C2CD5: variants seen among roughly 807,000 people sequenced by gnomAD.
The protein encoded by C2CD5 is C2 domain-containing protein 5.
In C2CD5, 109 loss-of-function variants were observed where a neutral mutation model predicts 130.3. That is an observed-to-expected ratio of 0.84 (90% CI 0.72 to 0.98). The LOEUF (loss-of-function observed/expected upper bound fraction) is 0.98, where lower values mean the gene tolerates loss of function less well. Ranked by LOEUF, C2CD5 falls within the 50% of genes least tolerant of loss-of-function variation. C2CD5 has a pLI of 0.00. For synonymous variants in C2CD5, 454 were observed against 429.2 expected (o/e 1.06, Z -0.71); for missense variants, 996 against 1,261.8 (o/e 0.79, Z 3.19).
chr12:22,539,281 T>C lies in C2CD5; in HGVS notation c.91-3937A>G, dbSNP rs545819164. 3.3e-5 allele frequency among the ~76,000 whole-genome samples: 5 copies of C among 152,330 alleles called. No individual in the cohort carries two copies. The South Asian group carries it at 1.0e-3, about 32-fold the overall frequency. On this transcript the variant is annotated intron_variant, in intron 2 of 26. Transcript: ENST00000446597. ...CTCAGTGACATCTGACAATTGAGCT[T>C]CCTTCCTCTTTCTAGAAACTTCCTC...
At chr12:22,527,357 G>A (rs1591995527) in intron 4 of C2CD5, among the ~76,000 whole-genome samples, 1 of 137,518 alleles carries the variant, frequency 7.3e-6, no homozygotes, top group Admixed American at 7.3e-5. Context: ...TTGAGCTAGA[G>A]TTTCACTCTT....
Position 22,448,796 on chromosome 12 carries a change from T to A in C2CD5, c.*964A>T, listed in dbSNP as rs1425573403. 1 of 152,590 alleles carries A rather than the reference T, an allele frequency of 6.6e-6. No individual in the cohort carries two copies. Among genetic ancestry groups the A allele is most frequent in the Non-Finnish European group, 1.5e-5 (1 of 68,020 alleles). 9.5% of individuals were successfully genotyped at this position (152,590 alleles called of 1,614,324 possible). On this transcript the variant is annotated 3_prime_UTR_variant, in exon 27 of 27. Transcript: ENST00000446597. ...GGGCATTTGGCGTCGACAGAAAAAG[T>A]CTTTCTATGTATACATTCAACATTT...
Position 22,518,034 on chromosome 12 carries a change from G to A in C2CD5, c.904C>T (p.Arg302Ter), listed in dbSNP as rs146325125. The A allele has an allele frequency of 6.2e-6, 10 of 1,613,728 alleles. No individual in the cohort carries two copies. The African/African-American group carries it at 9.3e-5, about 15-fold the overall frequency. The change falls in exon 8 of 27, where the codon CGA becomes TGA. Residue 302 changes from arginine to a stop codon, truncating the protein, a stop_gained. Coordinates refer to ENST00000446597, the MANE Select transcript of C2CD5 (RefSeq NM_001286176.2). LOFTEE classifies it high-confidence loss of function. ...YSFSPSKSYSRQSSSSDTDLS... is the reference protein window; with the variant it reads ...YSFSPSKSYS ...TCTGTGTCAGAAGAAGAGGACTGTCGACTGTAGGACTTGGAAGGTGAAAAG... is the reference window on the plus strand; with the variant it reads ...TCTGTGTCAGAAGAAGAGGACTGTCAACTGTAGGACTTGGAAGGTGAAAAG...
chr12:22,453,381 A>C (rs1190990734), intron 26 of C2CD5, among the ~76,000 whole-genome samples: 1 of 152,200 alleles, frequency 6.6e-6, no homozygotes, highest in East Asian at 1.9e-4. Flanking sequence ...ATTTTTAAAA[A>C]ATTTTAACAA....
intron 11 of C2CD5, 41 bp from the exon 12 acceptor site, chr12:22,490,259 C>T: frequency 7.1e-7 from 1 of 1,401,660 alleles, no homozygotes; most frequent in Non-Finnish European, 1.0e-6. Context: ...ATTTTTCAGA[C>T]CGTATAACTT....
intron 3 of C2CD5, chr12:22,534,684 T>C (rs780616132): frequency 6.6e-6 from 1 of 152,462 alleles, no homozygotes; most frequent in African/African-American, 2.4e-5. Flanking sequence ...AGGACAAGTA[T>C]TATATGACTC....
rs375981702 is a variant in C2CD5 at position 22,526,755 on chromosome 12, A to T, written c.349+966T>A. ...GGGTTTTCAAAACATGCTCTGATAA[A>T]TAAGAATGACCCAGATCTTATCTCT... On this transcript the variant is annotated intron_variant, in intron 4 of 26. Coordinates refer to ENST00000446597, the MANE Select transcript of C2CD5 (RefSeq NM_001286176.2). 1.2e-4 allele frequency among the ~76,000 whole-genome samples: 19 copies of T among 152,346 alleles called. 1 individual carries two copies. The highest frequency in any genetic ancestry group is 4.3e-4 in the African/African-American group (18 of 41,578).
At position 22,544,370 on chromosome 12, in the gene C2CD5, G is replaced by A. The variant is rs1952745160; in HGVS notation, c.-80C>T. On this transcript the variant is annotated 5_prime_UTR_variant, in exon 1 of 27. Transcript: ENST00000446597. ...CGCGCGGGTGCTGAGACCTCATTCC[G>A]GAGAGGCGGCGGGAGGAAGGGCTTT... 2 of 444,660 alleles carry A rather than the reference G, an allele frequency of 4.5e-6. No homozygotes were observed. The highest frequency in any genetic ancestry group is 4.1e-5 in the East Asian group (1 of 24,600). 27.5% of individuals were successfully genotyped at this position (444,660 alleles called of 1,614,324 possible).
Position 22,484,752 on chromosome 12 carries a change from T to C in C2CD5, c.1495A>G (p.Ile499Val), listed in dbSNP as rs1007799490. 4.4e-6 allele frequency: 7 copies of C among 1,607,504 alleles called. No homozygotes were observed. Among genetic ancestry groups the C allele is most frequent in the Non-Finnish European group, 5.9e-6 (7 of 1,177,344 alleles). Reference protein sequence around the residue: ...QKVPDVLFTTIDLPTDATVIG... With the variant: ...QKVPDVLFTTVDLPTDATVIG... ...ACTGTTGCATCTGTTGGGAGGTCTA[T>C]AGTTGTAAACAGAACATCAGGAACT... Residue 499 changes from isoleucine (I) to valine (V), a missense_variant, in exon 13 of 27, where the codon ATA (isoleucine) becomes GTA (valine). By Grantham distance (29) the Ile-to-Val change is conservative. Transcript: ENST00000446597.
chr12:22,466,489 T>C (rs1405795651), intron 22 of C2CD5, among the ~76,000 whole-genome samples: 8 of 152,174 alleles, frequency 5.3e-5, no homozygotes, highest in Non-Finnish European at 1.0e-4. Context: ...TCCGCTAAAT[T>C]GCTATTTTTG....
intron 9 of C2CD5, among the ~76,000 whole-genome samples, chr12:22,508,005 G>T (rs936272677): frequency 4.1e-4 from 63 of 152,040 alleles, no homozygotes; most frequent in Non-Finnish European, 5.6e-4. Flanking sequence ...ATAAAAGCTG[G>T]TAAAGAGATA....
chr12:22,498,951 A>T (rs1403469511), intron 10 of C2CD5, among the ~76,000 whole-genome samples: 1 of 152,208 alleles, frequency 6.6e-6, no homozygotes, highest in Non-Finnish European at 1.5e-5. Context: ...CAATCTCTAC[A>T]GAGGAAAAAA....
intron 14 of C2CD5, among the ~76,000 whole-genome samples, chr12:22,481,921 C>A (rs895671007): frequency 2.0e-5 from 3 of 151,230 alleles, no homozygotes; most frequent in Non-Finnish European, 4.4e-5. Flanking sequence ...TGTGAGCCAA[C>A]GCACCTGGCC....
At chr12:22,501,844 T>C (rs947952380) in intron 10 of C2CD5, among the ~76,000 whole-genome samples, 19 of 152,124 alleles carry the variant, frequency 1.2e-4, no homozygotes, top group South Asian at 2.1e-4. Context: ...GTTTACAATA[T>C]TGAAAAGATT....
chr12:22,527,585 T>TG lies in C2CD5; in HGVS notation c.349+135dup, dbSNP rs556275580. Reference sequence around the variant, plus strand: ...CACCCGCCTCAGCCTCCCAAAGTGCTGGGATTACAGGCATGAGCCACCGCA... The same window carrying TG: ...CACCCGCCTCAGCCTCCCAAAGTGCTGGGGATTACAGGCATGAGCCACCGCA... On this transcript the variant is annotated intron_variant, in intron 4 of 26. Transcript: ENST00000446597. 202 of 485,908 alleles carry TG rather than the reference T, an allele frequency of 4.2e-4. 2 individuals are homozygous for TG. In the Admixed American group the frequency reaches 7.6e-3, roughly 18 times the overall value. The allele number at this position is 485,908 out of a possible 1,614,324, so 30.1% of individuals were successfully genotyped here.
intron 22 of C2CD5, among the ~76,000 whole-genome samples, chr12:22,464,640 A>G (rs1486775108): frequency 1.3e-5 from 2 of 152,092 alleles, no homozygotes; most frequent in East Asian, 3.9e-4. Flanking sequence ...TCTTCCCCTG[A>G]GCGTCTCTTT....
chr12:22,530,460 A>ATT (rs1006659124), intron 3 of C2CD5, among the ~76,000 whole-genome samples: 1 of 143,956 alleles, frequency 6.9e-6, no homozygotes. Context: ...AACTTACTAA[A>ATT]TTTTTTTTTT....
At chr12:22,483,882 C>G (rs1945082875) in intron 13 of C2CD5, among the ~76,000 whole-genome samples, 1 of 152,000 alleles carries the variant, frequency 6.6e-6, no homozygotes, top group Non-Finnish European at 1.5e-5. Flanking sequence ...GTATGAGATG[C>G]CTATGGCTTA....
intron 7 of C2CD5, among the ~76,000 whole-genome samples, chr12:22,523,168 T>C (rs538056734): frequency 7.0e-4 from 106 of 152,190 alleles, no homozygotes; most frequent in Non-Finnish European, 1.1e-3. Flanking sequence ...GAGCCAAGAC[T>C]GTGCCACTGA....
Sources: allele counts gnomAD v4.1 joint callset (sites outside exome capture counted in the v4.1 genomes callset), GRCh38; gene constraint gnomAD v4.1.1; transcripts MANE v1.5; gene names NCBI Gene and HGNC (gene_info 2026-07-23, HGNC 2026-07-21).